DLGAP1: variants seen among roughly 807,000 people sequenced by gnomAD.
The protein encoded by DLGAP1 is DLG associated protein 1.
Under a neutral mutation model 90.8 loss-of-function variants are expected in DLGAP1, and 11 were observed. The observed-to-expected ratio is 0.12, with a 90% CI of 0.08 to 0.20. DLGAP1 has a LOEUF of 0.20. Among genes scored for constraint, DLGAP1 ranks in the 10% least tolerant of loss-of-function variants. DLGAP1 has a pLI of 1.00. For missense variants in DLGAP1, 1,050 were observed against 1,333.8 expected, an observed-to-expected ratio of 0.79 and a Z score of 3.31; for synonymous variants, 558 against 540.7, an observed-to-expected ratio of 1.03 and a Z score of -0.44.
intron 1 of DLGAP1, among the ~76,000 whole-genome samples, chr18:4,402,373 ATC>A (rs1245004624): frequency 3.3e-5 from 5 of 152,380 alleles, no homozygotes; most frequent in Admixed American, 6.5e-5. Flanking sequence ...AGAAACAGAT[ATC>A]TCTATTTATA....
chr18:4,086,202 G>A (rs62087440), intron 2 of DLGAP1, among the ~76,000 whole-genome samples: 43,038 of 151,830 alleles, frequency 0.28, 6,472 homozygotes, highest in African/African-American at 0.33. Context: ...GGAAGCTGCT[G>A]GATCAAATTT....
intron 2 of DLGAP1, among the ~76,000 whole-genome samples, chr18:4,006,323 T>C (rs912826917): frequency 6.6e-6 from 1 of 152,214 alleles, no homozygotes; most frequent in Non-Finnish European, 1.5e-5. Context: ...TCCAATTTTC[T>C]CTTAGAAAAA....
chr18:3,979,853 T>C (rs968023980), intron 3 of DLGAP1, among the ~76,000 whole-genome samples: 1 of 152,178 alleles, frequency 6.6e-6, no homozygotes, highest in Non-Finnish European at 1.5e-5. Flanking sequence ...AGTAAAAATA[T>C]AGCTGGGCGC....
chr18:3,905,163 T>G (rs2071870133), intron 3 of DLGAP1, among the ~76,000 whole-genome samples: 1 of 150,968 alleles, frequency 6.6e-6, no homozygotes, highest in African/African-American at 2.4e-5. Context: ...GTCAGGAGAT[T>G]GAGACCTTCC....
At chr18:3,636,170 T>G (rs1206505583) in intron 7 of DLGAP1, among the ~76,000 whole-genome samples, 1 of 151,124 alleles carries the variant, frequency 6.6e-6, no homozygotes, top group African/African-American at 2.4e-5. Flanking sequence ...TTTCTTTACC[T>G]GGCCAACTCC....
chr18:3,824,193 T>C (rs938150952), intron 4 of DLGAP1, among the ~76,000 whole-genome samples: 3 of 152,148 alleles, frequency 2.0e-5, no homozygotes, highest in Non-Finnish European at 2.9e-5. Flanking sequence ...CCTATGATGT[T>C]TGTGGCTATA....
intron 5 of DLGAP1, among the ~76,000 whole-genome samples, chr18:3,776,057 C>A (rs780119876): frequency 6.6e-6 from 1 of 152,160 alleles, no homozygotes; most frequent in African/African-American, 2.4e-5. Context: ...TTCCCACCCC[C>A]ATCCGGCACA....
At chr18:3,762,315 T>C (rs1325526842) in intron 5 of DLGAP1, among the ~76,000 whole-genome samples, 1 of 152,206 alleles carries the variant, frequency 6.6e-6, no homozygotes, top group African/African-American at 2.4e-5. Flanking sequence ...AATAACTTTA[T>C]TGCTAAGAAA....
chr18:3,893,284 A>C (rs2071524715), intron 3 of DLGAP1, among the ~76,000 whole-genome samples: 1 of 152,112 alleles, frequency 6.6e-6, no homozygotes, highest in African/African-American at 2.4e-5. Context: ...ACATTTAAAA[A>C]TGCAATCATT....
rs564442936 is a variant in DLGAP1, at chr18:3,501,970, C to A, written c.2724+523G>T. Among the ~76,000 whole-genome samples, 414 of 116,902 alleles carry A rather than the reference C, an allele frequency of 3.5e-3. 4 individuals carry two copies. Among genetic ancestry groups the A allele is most frequent in the African/African-American group, 0.012 (366 of 29,934 alleles). The allele number at this position is 116,902 out of a possible 152,430, so 76.7% of individuals were successfully genotyped here. A position where few individuals can be genotyped will look rare whatever the true frequency, so the allele number is the denominator to read the frequency against. ...TTTTGAAAAAAAAAAAAAAAAAAAA[C>A]CCAACATTTATGTAATTACTGTGAA... On this transcript the variant is annotated intron_variant, in intron 12 of 12. Coordinates refer to ENST00000315677, the MANE Select transcript of DLGAP1 (RefSeq NM_004746.4).
intron 7 of DLGAP1, among the ~76,000 whole-genome samples, chr18:3,719,556 C>CAAAAAA (rs60129859): frequency 1.0e-4 from 6 of 58,312 alleles, no homozygotes; most frequent in African/African-American, 2.2e-4. Context: ...GACTCTGTCT[C>CAAAAAA]AAAAAAAAAA....
intron 2 of DLGAP1, among the ~76,000 whole-genome samples, chr18:4,074,330 T>C (rs2075493698): frequency 6.6e-6 from 1 of 152,134 alleles, no homozygotes; most frequent in Non-Finnish European, 1.5e-5. Flanking sequence ...ATTTTGATTA[T>C]ACATCATCTA....
rs1555695438 is a variant in DLGAP1, at chr18:3,600,783, GAT to G, written c.1592-18537_1592-18536del. Among the ~76,000 whole-genome samples, 59 of 32,964 alleles carry G rather than the reference GAT, an allele frequency of 1.8e-3. 3 individuals carry two copies. The highest frequency in any genetic ancestry group is 5.9e-3 in the African/African-American group (43 of 7,326). 21.6% of individuals were successfully genotyped at this position (32,964 alleles called of 152,430 possible). On this transcript the variant is annotated intron_variant, in intron 7 of 12. Coordinates refer to ENST00000315677, the MANE Select transcript of DLGAP1 (RefSeq NM_004746.4). ...ATATATAGATATATATAGATATATA[GAT>G]ATATATAGATATATAGATATATAGA...
intron 2 of DLGAP1, among the ~76,000 whole-genome samples, chr18:4,079,724 C>T (rs2075577582): frequency 6.7e-6 from 1 of 150,110 alleles, no homozygotes; most frequent in Non-Finnish European, 1.5e-5. Context: ...AAAAGAAAAT[C>T]AGTGTGTGTA....
At chr18:3,546,362 C>T (rs1179022037) in intron 9 of DLGAP1, among the ~76,000 whole-genome samples, 1 of 150,342 alleles carries the variant, frequency 6.7e-6, no homozygotes, top group Non-Finnish European at 1.5e-5. Flanking sequence ...TTGCAGTGAG[C>T]CAAGATAGAG....
In DLGAP1 at chr18:3,572,144, T is replaced by C. The variant is rs539295489; in HGVS notation, c.1966-4563A>G. 2.1e-4 allele frequency among the ~76,000 whole-genome samples: 31 copies of C among 149,220 alleles called. No homozygotes were observed. The Middle Eastern group carries it at 0.01, about 50-fold the overall frequency. ...CCCAGGCTGGAGTGCAATGGCGCGA[T>C]CTCGGCTCACCGCAACCTACCCCTC... On this transcript the variant is annotated intron_variant, in intron 8 of 12. Coordinates refer to ENST00000315677, the MANE Select transcript of DLGAP1 (RefSeq NM_004746.4).
At chr18:3,704,997 TG>T (rs2061389909) in intron 7 of DLGAP1, among the ~76,000 whole-genome samples, 1 of 152,228 alleles carries the variant, frequency 6.6e-6, no homozygotes, top group Non-Finnish European at 1.5e-5. Flanking sequence ...ACACTATATT[TG>T]GGGATTCCAG....
intron 1 of DLGAP1, among the ~76,000 whole-genome samples, chr18:4,221,475 T>G (rs576961389): frequency 2.0e-5 from 3 of 152,244 alleles, no homozygotes; most frequent in Admixed American, 2.0e-4. Flanking sequence ...AAAATATATA[T>G]GAAAGTTATG....
chr18:3,550,233 T>A (rs1302555615), intron 9 of DLGAP1, among the ~76,000 whole-genome samples: 1 of 152,018 alleles, frequency 6.6e-6, no homozygotes, highest in East Asian at 1.9e-4. Context: ...TTTTAATTTG[T>A]ATTTTTATTT....
Sources: gnomAD v4.1 joint callset for allele counts (sites outside exome capture counted in the v4.1 genomes callset) on GRCh38, gnomAD v4.1.1 for gene constraint, MANE v1.5 for transcripts, NCBI Gene and HGNC (gene_info 2026-07-23, HGNC 2026-07-21) for gene names.